NMT1: variants seen among roughly 807,000 people sequenced by gnomAD.
NMT1 encodes glycylpeptide N-tetradecanoyltransferase 1.
Under a neutral mutation model 63.4 loss-of-function variants are expected in NMT1, and 12 were observed. The observed-to-expected ratio is 0.19, with a 90% CI of 0.12 to 0.31. The LOEUF (loss-of-function observed/expected upper bound fraction) is 0.31. Among genes scored for constraint, NMT1 ranks in the 10% least tolerant of loss-of-function variants. The pLI, the probability that NMT1 is intolerant of heterozygous loss-of-function variation, is 1.00. For synonymous variants in NMT1, 228 were observed against 234.3 expected, an observed-to-expected ratio of 0.97 and a Z score of 0.25; for missense variants, 432 against 634.6, an observed-to-expected ratio of 0.68 and a Z score of 3.43.
In NMT1 at chr17:45,107,874, G is replaced by C. The variant is rs1989802; in HGVS notation, c.*2235G>C. ...GCATCTCCCTCACTGAAACCAGGTGGCCGGCTCCTCGGACTCTGCTTTATG... is the reference window on the plus strand; with the variant it reads ...GCATCTCCCTCACTGAAACCAGGTGCCCGGCTCCTCGGACTCTGCTTTATG... On this transcript the variant is annotated 3_prime_UTR_variant, in exon 12 of 12. Coordinates refer to ENST00000258960, the MANE Select transcript of NMT1 (RefSeq NM_021079.5). 63,881 of 152,222 alleles carry C rather than the reference G, an allele frequency of 0.42. 14,267 individuals carry two copies. Among genetic ancestry groups the C allele is most frequent in the East Asian group, 0.69 (3,583 of 5,164 alleles). The allele number at this position is 152,222 out of a possible 1,614,324, so 9.4% of individuals were successfully genotyped here.
intron 1 of NMT1, among the ~76,000 whole-genome samples, chr17:45,076,031 T>C (rs540747281): frequency 4.6e-5 from 7 of 152,132 alleles, no homozygotes; most frequent in Non-Finnish European, 1.0e-4. Flanking sequence ...GATTGTGCCA[T>C]TGTACTCCAG....
chr17:45,069,075 G>A (rs964618135), intron 1 of NMT1, among the ~76,000 whole-genome samples: 2 of 150,198 alleles, frequency 1.3e-5, no homozygotes, highest in Non-Finnish European at 3.0e-5. Context: ...ACTCTCCTGC[G>A]TCAGCCTCCT....
chr17:45,077,998 GTAGGTGTAC>G (rs1240788406), intron 1 of NMT1, among the ~76,000 whole-genome samples: 1 of 152,140 alleles, frequency 6.6e-6, no homozygotes, highest in Non-Finnish European at 1.5e-5. Flanking sequence ...ATCATACCAA[GTAGGTGTAC>G]TTGCATCTAG....
At chr17:45,101,617 CAAAAAAAA>C (rs748973404) in intron 8 of NMT1, among the ~76,000 whole-genome samples, 6 of 53,368 alleles carry the variant, frequency 1.1e-4, no homozygotes, top group Non-Finnish European at 1.9e-4. Flanking sequence ...GACTCCGTCG[CAAAAAAAA>C]AAAAAAAAAA....
At chr17:45,075,669 G>T (rs1417652026) in intron 1 of NMT1, among the ~76,000 whole-genome samples, 1 of 151,992 alleles carries the variant, frequency 6.6e-6, no homozygotes, top group Non-Finnish European at 1.5e-5. Context: ...TACTCAGGAG[G>T]CTGAGGCAGG....
chr17:45,096,486 T>TGA (rs1256376041), intron 5 of NMT1, among the ~76,000 whole-genome samples: 1 of 152,230 alleles, frequency 6.6e-6, no homozygotes, highest in Non-Finnish European at 1.5e-5. Flanking sequence ...ATTGACTGGG[T>TGA]GAGGGAGACC....
At chr17:45,100,177 CTCCCAG>C (rs1453636958) in intron 8 of NMT1, among the ~76,000 whole-genome samples, 6 of 152,146 alleles carry the variant, frequency 3.9e-5, no homozygotes, top group Non-Finnish European at 8.8e-5. Context: ...CAGCCTCGAC[CTCCCAG>C]ACTCAACTGA....
At chr17:45,064,245 T>G (rs556013156) in intron 1 of NMT1, among the ~76,000 whole-genome samples, 7 of 152,278 alleles carry the variant, frequency 4.6e-5, no homozygotes, top group African/African-American at 1.7e-4. Flanking sequence ...CCTTAAAAAC[T>G]TTGACAGTTT....
In NMT1 at chr17:45,098,436, C is replaced by T. The variant is rs770379933; in HGVS notation, c.768C>T (p.Ser256=). 59 of 1,614,040 alleles carry T rather than the reference C, an allele frequency of 3.7e-5. No individual in the cohort carries two copies. Among genetic ancestry groups the T allele is most frequent in the Non-Finnish European group, 5.0e-5 (59 of 1,180,030 alleles). Residue 256 remains serine (S), a synonymous_variant, in exon 7 of 12, where the codon TCC becomes TCT. Transcript: ENST00000258960. ...TGTGTGTCCACAAGAAGCTGCGTTC[C>T]AAGAGGGTTGCTCCAGTTCTGATCC... The part of the protein sequence containing the change: ...NFLCVHKKLR[S]KRVAPVLIRE...
At chr17:45,061,533 C>T in intron 1 of NMT1, 73 bp downstream of exon 1, 10 of 1,410,936 alleles carry the variant, frequency 7.1e-6, no homozygotes, top group Non-Finnish European at 9.8e-6. Context: ...GGGGAAGTCA[C>T]CGGGAGCTTA....
chr17:45,082,308 T>A (rs1333548274), intron 2 of NMT1, among the ~76,000 whole-genome samples: 1 of 149,758 alleles, frequency 6.7e-6, no homozygotes. Flanking sequence ...AAAGATGGAG[T>A]CTCACTATGT....
In NMT1 at chr17:45,108,100, A is replaced by G. The variant is rs2054214900; in HGVS notation, c.*2461A>G. The G allele has an allele frequency of 6.6e-6, 1 of 152,288 alleles. No homozygotes were observed. Among genetic ancestry groups the G allele is most frequent in the African/African-American group, 2.4e-5 (1 of 41,460 alleles). The allele number at this position is 152,288 out of a possible 1,614,324, so 9.4% of individuals were successfully genotyped here. A position where few individuals can be genotyped will look rare whatever the true frequency, so the allele number is the denominator to read the frequency against. On this transcript the variant is annotated 3_prime_UTR_variant, in exon 12 of 12. Transcript: ENST00000258960. ...GCGCCATGGCTGTCTCAAACCAAGC[A>G]AAGGAAGGACCCTGAGGCCTTCACG... is the stretch of plus-strand genomic sequence containing the variant.
intron 1 of NMT1, chr17:45,061,665 G>A (rs973674814): frequency 1.9e-6 from 1 of 527,894 alleles, no homozygotes; most frequent in Middle Eastern, 5.1e-4. Flanking sequence ...GAGACGTTCA[G>A]TACTTTTATT....
intron 1 of NMT1, among the ~76,000 whole-genome samples, chr17:45,063,412 C>T (rs1232291600): frequency 1.3e-5 from 2 of 152,054 alleles, no homozygotes; most frequent in East Asian, 1.9e-4. Flanking sequence ...TGAAGCTCTC[C>T]TGAGTAGAGA....
intron 1 of NMT1, among the ~76,000 whole-genome samples, chr17:45,063,953 G>A (rs189468500): frequency 1.1e-3 from 164 of 152,140 alleles, no homozygotes; most frequent in African/African-American, 3.7e-3. Flanking sequence ...CTGGGAGGCC[G>A]AGGCGGGTGG....
intron 7 of NMT1, chr17:45,098,883 A>C (rs990877402): frequency 3.3e-6 from 1 of 298,834 alleles, no homozygotes; most frequent in African/African-American, 2.1e-5. Flanking sequence ...GAAATGTCCT[A>C]AAGTTTTAAA....
intron 1 of NMT1, among the ~76,000 whole-genome samples, chr17:45,075,037 A>T (rs2053968857): frequency 6.6e-6 from 1 of 152,172 alleles, no homozygotes; most frequent in African/African-American, 2.4e-5. Flanking sequence ...TTAGCCAGGC[A>T]TGGTGGTGCA....
At chr17:45,090,203 G>A (rs1364083498) in intron 3 of NMT1, among the ~76,000 whole-genome samples, 1 of 152,142 alleles carries the variant, frequency 6.6e-6, no homozygotes, top group African/African-American at 2.4e-5. Flanking sequence ...AGGATCGTTT[G>A]AGTCCTGGAG....
At chr17:45,063,927 C>T (rs529395360) in intron 1 of NMT1, among the ~76,000 whole-genome samples, 3 of 152,074 alleles carry the variant, frequency 2.0e-5, no homozygotes, top group African/African-American at 7.2e-5. Context: ...TGGCTCATGC[C>T]TGTAATCCCA....
Sources: allele counts gnomAD v4.1 joint callset (sites outside exome capture counted in the v4.1 genomes callset), GRCh38; gene constraint gnomAD v4.1.1; transcripts MANE v1.5; gene names NCBI Gene and HGNC (gene_info 2026-07-23, HGNC 2026-07-21).